GLI1: variants seen among roughly 807,000 people sequenced by gnomAD.
GLI1 encodes transcription activator GLI1.
GLI1 carries 51 observed loss-of-function variants against 87.8 expected under a neutral mutation model. That is an observed-to-expected ratio of 0.58 (90% CI 0.46 to 0.73). GLI1 has a LOEUF of 0.73. GLI1 is among the 30% of genes least tolerant of loss of function. GLI1 has a pLI of 0.00. For missense variants in GLI1, 1,292 were observed against 1,437.2 expected (o/e 0.90, Z 1.63); for synonymous variants, 528 against 558.2 (o/e 0.95, Z 0.76).
At chr12:57,468,359 AG>A in intron 10 of GLI1, 135 bp downstream of exon 10, 1 of 624,444 alleles carries the variant, frequency 1.6e-6, no homozygotes, top group Non-Finnish European at 2.9e-6. Context: ...CTCTTGTCTT[AG>A]TGTTGCTCTT....
chr12:57,470,758 G>A lies in GLI1; in HGVS notation c.2018G>A (p.Gly673Glu). ...VHTPPTVAGG[G>E]QNFDPYLPTS... The stretch of plus-strand genomic sequence containing the variant: ...ACCCCACCCACTGTGGCAGGGGGAG[G>A]ACAGAACTTTGATCCTTACCTCCCA... The change falls in exon 12 of 12, where the codon GGA becomes GAA. Residue 673 changes from glycine to glutamate, a missense_variant. Transcript: ENST00000228682. 10 of 1,613,350 alleles carry A rather than the reference G, an allele frequency of 6.2e-6. No homozygotes were observed. The highest frequency in any genetic ancestry group is 8.5e-6 in the Non-Finnish European group (10 of 1,179,780).
intron 1 of GLI1, 73 bp from the exon 2 acceptor site, chr12:57,463,592 G>C: frequency 7.7e-6 from 6 of 780,210 alleles, no homozygotes; most frequent in South Asian, 6.9e-5. Flanking sequence ...TTCTGCCCAG[G>C]ATTCTGTGCC....
Position 57,460,863 on chromosome 12 carries a change from G to A in GLI1, c.-28+662G>A, listed in dbSNP as rs180812794. Among the ~76,000 whole-genome samples, 232 of 152,232 alleles carry A rather than the reference G, an allele frequency of 1.5e-3. 1 individual carries two copies. The highest frequency in any genetic ancestry group is 5.2e-3 in the African/African-American group (218 of 41,530). ...CCTGAGTCCCAAGGGCTGTGGGCAA[G>A]GAGCTCAGGAGGAGCCGGGGAGACC... On this transcript the variant is annotated intron_variant, in intron 1 of 11. Transcript: ENST00000228682.
Position 57,470,577 on chromosome 12 carries a change from G to T in GLI1, c.1837G>T (p.Gly613Cys). 6.2e-7 allele frequency: 1 copy of T among 1,614,134 alleles called. No homozygotes were observed. Among genetic ancestry groups the T allele is most frequent in the East Asian group, 2.2e-5 (1 of 44,880 alleles). ...TGCAGCATCCAGCCTGGATCGGATAGGTGGTCTTCCCATGCCTCCTTGGAG... is the reference window on the plus strand; with the variant it reads ...TGCAGCATCCAGCCTGGATCGGATATGTGGTCTTCCCATGCCTCCTTGGAG... ...PTAASSLDRI[G>C]GLPMPPWRSR... The change falls in exon 12 of 12, where the codon GGT becomes TGT. Residue 613 changes from glycine (G) to cysteine (C), a missense_variant. Around this residue, in one of 3 missense-constraint regions of GLI1, gnomAD observed 897 missense variants for 1,040.7 expected, o/e 0.86. Coordinates refer to ENST00000228682, the MANE Select transcript of GLI1 (RefSeq NM_005269.3).
At chr12:57,461,205 G>C (rs1045260124) in intron 1 of GLI1, among the ~76,000 whole-genome samples, 1 of 152,214 alleles carries the variant, frequency 6.6e-6, no homozygotes, top group Non-Finnish European at 1.5e-5. Flanking sequence ...GGTCTGGAGA[G>C]CTGGGGTCTT....
intron 8 of GLI1, 131 bp downstream of exon 8, chr12:57,466,520 G>A: frequency 1.6e-6 from 1 of 643,898 alleles, no homozygotes; most frequent in Non-Finnish European, 2.6e-6. Context: ...TAATGTTTGT[G>A]TGACTGTGTT....
At chr12:57,468,483 C>T (rs1223056013) in intron 10 of GLI1, among the ~76,000 whole-genome samples, 1 of 151,272 alleles carries the variant, frequency 6.6e-6, no homozygotes, top group Non-Finnish European at 1.5e-5. Flanking sequence ...TTCTTTCTTT[C>T]TCTCTCTCTC....
chr12:57,466,043 T>C, intron 7 of GLI1, 118 bp downstream of exon 7: 1 of 1,118,452 alleles, frequency 8.9e-7, no homozygotes, highest in Non-Finnish European at 1.3e-6. Context: ...GAATGCTCAG[T>C]TGGGTAGGCA....
In GLI1 at chr12:57,471,257, G is replaced by A; in HGVS notation, c.2517G>A (p.Glu839=). 1 of 1,601,504 alleles carries A rather than the reference G, an allele frequency of 6.2e-7. No homozygotes were observed. The highest frequency in any genetic ancestry group is 8.5e-7 in the Non-Finnish European group (1 of 1,173,866). Residue 839 remains glutamate, a synonymous_variant, in exon 12 of 12, where the codon GAG becomes GAA. Coordinates refer to ENST00000228682, the MANE Select transcript of GLI1 (RefSeq NM_005269.3). This position sits in a 1 kb window ranked among gnomAD's most constrained non-coding sequence, Gnocchi z 4.9. ...CCTGCCTCAATGCCCACCCCAGTGA[G>A]GGGCCCCCACATCCACAGCCTCTCT... ...LAPCLNAHPS[E]GPPHPQPLFS...
At chr12:57,462,801 C>A (rs1871228631) in intron 1 of GLI1, among the ~76,000 whole-genome samples, 1 of 152,146 alleles carries the variant, frequency 6.6e-6, no homozygotes, top group Non-Finnish European at 1.5e-5. Context: ...CCCTCCTGGC[C>A]CCACCTGGCT....
In GLI1 at chr12:57,471,004, C is replaced by T. The variant is rs1871877068; in HGVS notation, c.2264C>T (p.Pro755Leu). ...ARGPGSLPLG[P>L]GPPTNYGPNP... The stretch of plus-strand genomic sequence containing the variant: ...GGTCCAGGCTCTCTGCCTCTTGGGC[C>T]TGGTCCACCCACCAACTATGGCCCC... Residue 755 changes from proline (P) to leucine (L), a missense_variant, in exon 12 of 12, where the codon CCT (proline) becomes CTT (leucine). Physicochemically the swap from Pro to Leu is moderately conservative, Grantham distance 98. Transcript: ENST00000228682. The surrounding 1 kb of genome is among the most constrained non-coding windows in gnomAD (Gnocchi z 4.9). The T allele has an allele frequency of 6.2e-7, 1 of 1,610,726 alleles. No individual in the cohort carries two copies. The highest frequency in any genetic ancestry group is 2.2e-5 in the East Asian group (1 of 44,878).
In GLI1 at chr12:57,465,839, A is replaced by G. The variant is rs762421780; in HGVS notation, c.676A>G (p.Lys226Glu). ...DGREDLEREE[K>E]REPESVYETD... ...GCGGGAGGACCTCGAGAGAGAGGAG[A>G]AGCGTGAGCCTGAATCTGTGTATGA... is the stretch of plus-strand genomic sequence containing the variant. The change falls in exon 7 of 12, where the codon AAG becomes GAG. Residue 226 changes from lysine to glutamate, a missense_variant. Physicochemically the swap from Lys to Glu is moderately conservative, Grantham distance 56. Transcript: ENST00000228682. The G allele has an allele frequency of 6.2e-7, 1 of 1,614,082 alleles. No individual in the cohort carries two copies. The highest frequency in any genetic ancestry group is 1.1e-5 in the South Asian group (1 of 91,080).
At chr12:57,462,402 G>A (rs1871196224) in intron 1 of GLI1, among the ~76,000 whole-genome samples, 1 of 151,840 alleles carries the variant, frequency 6.6e-6, no homozygotes, top group South Asian at 2.1e-4. Context: ...AGCATCCCGG[G>A]ATCACCCACC....
At chr12:57,466,560 T>A (rs956200285) in intron 8 of GLI1, among the ~76,000 whole-genome samples, 171 bp downstream of exon 8, 5 of 152,162 alleles carry the variant, frequency 3.3e-5, no homozygotes, top group African/African-American at 1.2e-4. Flanking sequence ...TGATATATAT[T>A]AAAACACTCT....
intron 8 of GLI1, among the ~76,000 whole-genome samples, chr12:57,467,037 C>G (rs983123223): frequency 5.9e-5 from 9 of 152,188 alleles, no homozygotes; most frequent in African/African-American, 1.9e-4. Context: ...GCCCGTTCCC[C>G]CAAGATGACC....
In GLI1 at chr12:57,471,774, G is replaced by A. The variant is rs1871971230; in HGVS notation, c.3034G>A (p.Gly1012Ser). Reference protein sequence around the residue: ...LKVGGTNPSCGHPEVGRLGGG... With the variant: ...LKVGGTNPSCSHPEVGRLGGG... ...AGTGGGAGGCACAAACCCCAGCTGT[G>A]GTCATCCTGAGGTGGGCAGGCTAGG... Residue 1012 changes from glycine (G) to serine (S), a missense_variant, in exon 12 of 12, where the codon GGT becomes AGT. By Grantham distance (56) the Gly-to-Ser change is moderately conservative (BLOSUM62 0). This residue lies in a region of GLI1 where 897 missense variants were observed against 1,040.7 expected (regional missense o/e 0.86). Coordinates refer to ENST00000228682, the MANE Select transcript of GLI1 (RefSeq NM_005269.3). This position sits in a 1 kb window ranked among gnomAD's most constrained non-coding sequence, Gnocchi z 4.9. The A allele has an allele frequency of 6.4e-7, 1 of 1,565,512 alleles. No homozygotes were observed. Among genetic ancestry groups the A allele is most frequent in the African/African-American group, 1.4e-5 (1 of 73,660 alleles).
rs778903349 is a variant in GLI1, at chr12:57,471,870, A to G, written c.3130A>G (p.Asn1044Asp). 6.3e-7 allele frequency: 1 copy of G among 1,595,108 alleles called. No individual in the cohort carries two copies. The highest frequency in any genetic ancestry group is 2.2e-5 in the East Asian group (1 of 44,770). The change falls in exon 12 of 12, where the codon AAC becomes GAC. Residue 1044 changes from asparagine (N) to aspartate (D), a missense_variant. Coordinates refer to ENST00000228682, the MANE Select transcript of GLI1 (RefSeq NM_005269.3). The surrounding 1 kb of genome is among the most constrained non-coding windows in gnomAD (Gnocchi z 4.9). ...CNPLDSLDLD[N>D]TQLDFVAILD... is the part of the protein sequence containing the mutation. ...CCCCCTGGACTCTCTTGATCTTGACAACACTCAGCTGGACTTTGTGGCTAT... is the reference window on the plus strand; with the variant it reads ...CCCCCTGGACTCTCTTGATCTTGACGACACTCAGCTGGACTTTGTGGCTAT...
At chr12:57,460,918 C>T (rs1460925742) in intron 1 of GLI1, among the ~76,000 whole-genome samples, 1 of 152,098 alleles carries the variant, frequency 6.6e-6, no homozygotes, top group African/African-American at 2.4e-5. Flanking sequence ...TCAGGACCAC[C>T]GGGGCAGCGG....
chr12:57,471,136 C>A lies in GLI1; in HGVS notation c.2396C>A (p.Thr799Asn). The A allele has an allele frequency of 6.2e-7, 1 of 1,612,986 alleles. No homozygotes were observed. Among genetic ancestry groups the A allele is most frequent in the Non-Finnish European group, 8.5e-7 (1 of 1,179,538 alleles). The change falls in exon 12 of 12, where the codon ACC (threonine) becomes AAC (asparagine). Residue 799 changes from threonine (T) to asparagine (N), a missense_variant. Transcript: ENST00000228682. This position sits in a 1 kb window ranked among gnomAD's most constrained non-coding sequence, Gnocchi z 4.9. The stretch of plus-strand genomic sequence containing the variant: ...CCAGGCCCCAAGGCTCTAGGTGGAA[C>A]CTACAGCCAGTGTCCTCGACTTGAA... Reference protein sequence around the residue: ...LYPGPKALGGTYSQCPRLEHY... With the variant: ...LYPGPKALGGNYSQCPRLEHY...
Sources: allele counts gnomAD v4.1 joint callset (sites outside exome capture counted in the v4.1 genomes callset), GRCh38; gene constraint gnomAD v4.1.1; regional missense constraint gnomAD v4.1.1; non-coding constraint Gnocchi (gnomAD v3.1); transcripts MANE v1.5; gene names NCBI Gene and HGNC (gene_info 2026-07-23, HGNC 2026-07-21).